FAS: variants seen among roughly 807,000 people sequenced by gnomAD.
FAS encodes Fas cell surface death receptor, also known as tumor necrosis factor receptor superfamily member 6.
A neutral mutation model predicts 33.2 loss-of-function variants in FAS; 5 were observed. The observed-to-expected ratio is 0.15, with a 90% CI of 0.08 to 0.32. FAS has a LOEUF of 0.32. Among genes scored for constraint, FAS ranks in the 10% least tolerant of loss-of-function variants. The probability of loss-of-function intolerance (pLI) is 1.00; values close to 1 mark genes in which losing one functional copy is unlikely to be tolerated. For missense variants in FAS, 339 were observed against 386.0 expected (o/e 0.88, Z 1.02); for synonymous variants, 131 against 130.7 (o/e 1.00, Z -0.01).
upstream of FAS, among the ~76,000 whole-genome samples, chr10:88,986,591 CA>C (rs1472113013): frequency 2.0e-5 from 3 of 152,034 alleles, no homozygotes; most frequent in Non-Finnish European, 2.9e-5. Flanking sequence ...GGCTTTAGGA[CA>C]CTTTTCTTAG....
At chr10:89,010,717 A>G in intron 5 of FAS, 36 bp from the exon 6 acceptor site, 1 of 1,613,212 alleles carries the variant, frequency 6.2e-7, no homozygotes, top group Non-Finnish European at 8.5e-7. Context: ...AAGATTGCTT[A>G]TTTTCATATA....
In FAS at chr10:89,014,279, T is replaced by C. The variant is rs772863534; in HGVS notation, c.837T>C (p.Arg279=). The C allele has an allele frequency of 6.2e-7, 1 of 1,614,020 alleles. No homozygotes were observed. Among genetic ancestry groups the C allele is most frequent in the South Asian group, 1.1e-5 (1 of 91,080 alleles). ...CAGAACAGAAAGTTCAACTGCTTCG[T>C]AATTGGCATCAACTTCATGGAAAGA... ...DTAEQKVQLL[R]NWHQLHGKKE... Residue 279 remains arginine, a synonymous_variant, in exon 9 of 9, where the codon CGT becomes CGC. Coordinates refer to ENST00000652046, the MANE Select transcript of FAS (RefSeq NM_000043.6).
chr10:89,003,261 T>C (rs1236526386), intron 2 of FAS, 67 bp downstream of exon 2: 21 of 1,573,022 alleles, frequency 1.3e-5, no homozygotes, highest in Non-Finnish European at 1.1e-5. Context: ...ATAGTAATCA[T>C]GACTATAATA....
intron 1 of FAS, among the ~76,000 whole-genome samples, chr10:88,994,709 A>G (rs529688489): frequency 6.6e-6 from 1 of 152,130 alleles, no homozygotes; most frequent in African/African-American, 2.4e-5. Flanking sequence ...TTTGCATGTT[A>G]CACAAACCTT....
intron 4 of FAS, 31 bp downstream of exon 4, chr10:89,009,028 C>A: frequency 6.6e-7 from 1 of 1,506,812 alleles, no homozygotes; most frequent in Non-Finnish European, 9.2e-7. Flanking sequence ...GATTAAAACA[C>A]TAGATATAAC....
In FAS at chr10:89,013,394, A is replaced by G. The variant is rs558331238; in HGVS notation, c.676+27A>G. 1.3e-5 allele frequency: 21 copies of G among 1,608,962 alleles called. No individual in the cohort carries two copies. In the African/African-American group the frequency reaches 2.1e-4, roughly 16 times the overall value. ...TAAGGCTTTTATCATTTTATTTCATAGAGATGGCATCCTTTAGAGTAATAG... is the reference window on the plus strand; with the variant it reads ...TAAGGCTTTTATCATTTTATTTCATGGAGATGGCATCCTTTAGAGTAATAG... On this transcript the variant is annotated intron_variant, in intron 8 of 8. Coordinates refer to ENST00000652046, the MANE Select transcript of FAS (RefSeq NM_000043.6).
intron 2 of FAS, chr10:88,973,833 A>G (rs12146231): frequency 0.47 from 71,296 of 152,092 alleles, 17,717 homozygotes; most frequent in Non-Finnish European, 0.55. Context: ...ACAGAGTCTC[A>G]CTCTGTCGCC....
In FAS at chr10:89,010,613, T is replaced by A. The variant is rs1330527163; in HGVS notation, c.505+13T>A. On this transcript the variant is annotated intron_variant, in intron 5 of 8. Coordinates refer to ENST00000652046, the MANE Select transcript of FAS (RefSeq NM_000043.6). ...TGCAAAGAGGAAGGTAATTATTTTT[T>A]TACGGTTATATTCTCCTTTCCCCCA... The A allele has an allele frequency of 6.2e-7, 1 of 1,613,418 alleles. No homozygotes were observed. Among genetic ancestry groups the A allele is most frequent in the Non-Finnish European group, 8.5e-7 (1 of 1,179,454 alleles).
At chr10:88,971,257 T>A (rs2098433225) in intron 1 of FAS, among the ~76,000 whole-genome samples, 6 of 152,254 alleles carry the variant, frequency 3.9e-5, no homozygotes, top group Admixed American at 3.9e-4. Context: ...GTGTGTGAAG[T>A]AACAGATGAT....
chr10:88,966,984 C>T (rs963238866), intron 1 of FAS, among the ~76,000 whole-genome samples: 4 of 152,148 alleles, frequency 2.6e-5, no homozygotes, highest in Admixed American at 1.3e-4. Flanking sequence ...GCTCAAACAG[C>T]GCCAAGAGGG....
chr10:89,010,929 T>C (rs1564695719), intron 6 of FAS, 114 bp downstream of exon 6: 6 of 1,242,590 alleles, frequency 4.8e-6, no homozygotes, highest in South Asian at 4.8e-5. Flanking sequence ...TTATGTATTG[T>C]TAATTTCTTG....
intron 2 of FAS, among the ~76,000 whole-genome samples, chr10:89,004,418 G>A (rs929230765): frequency 5.9e-5 from 9 of 151,600 alleles, no homozygotes; most frequent in Non-Finnish European, 1.2e-4. Context: ...ACAATCTGCA[G>A]GTTAGTTACA....
intron 2 of FAS, among the ~76,000 whole-genome samples, chr10:88,978,414 T>C (rs1203300654): frequency 3.3e-5 from 5 of 152,096 alleles, no homozygotes; most frequent in Admixed American, 3.3e-4. Flanking sequence ...AATAAATAAA[T>C]AAATAAATAA....
intron 1 of FAS, 165 bp from the exon 2 acceptor site, chr10:89,002,864 T>C: frequency 1.4e-6 from 1 of 714,760 alleles, no homozygotes. Context: ...GCTATACAAG[T>C]GACCTGCTGC....
intron 2 of FAS, 105 bp downstream of exon 2, chr10:89,003,299 T>C (rs145321456): frequency 1.6e-6 from 2 of 1,229,214 alleles, no homozygotes; most frequent in African/African-American, 1.5e-5. Context: ...TCCCCTATAT[T>C]ATATAACATA....
Position 89,014,572 on chromosome 10 carries a change from A to C in FAS, c.*122A>C. On this transcript the variant is annotated 3_prime_UTR_variant, in exon 9 of 9. Transcript: ENST00000652046. ...TACATTTTATCATTTATTAGCGCTG[A>C]AGAGCCAACATATTTGTAGATTTTT... 1.1e-6 allele frequency: 1 copy of C among 896,512 alleles called. No homozygotes were observed. Among genetic ancestry groups the C allele is most frequent in the Non-Finnish European group, 1.8e-6 (1 of 564,396 alleles). The allele number at this position is 896,512 out of a possible 1,614,324, so 55.5% of individuals were successfully genotyped here.
At chr10:88,985,338 C>G (rs1039045071), upstream of FAS, among the ~76,000 whole-genome samples, 1 of 152,158 alleles carries the variant, frequency 6.6e-6, no homozygotes, top group Non-Finnish European at 1.5e-5. Flanking sequence ...TGTCTATATG[C>G]TCATATGCAC....
At chr10:89,006,161 G>A (rs1589472166) in intron 2 of FAS, among the ~76,000 whole-genome samples, 1 of 152,340 alleles carries the variant, frequency 6.6e-6, no homozygotes, top group East Asian at 1.9e-4. Context: ...GGCACATTCT[G>A]TAAGATAATT....
chr10:89,004,489 A>T (rs1054880932), intron 2 of FAS, among the ~76,000 whole-genome samples: 8 of 150,286 alleles, frequency 5.3e-5, no homozygotes, highest in Non-Finnish European at 7.4e-5. Context: ...AGCATTAGGT[A>T]TATCTCCCAA....
Sources: allele counts gnomAD v4.1 joint callset (sites outside exome capture counted in the v4.1 genomes callset), GRCh38; gene constraint gnomAD v4.1.1; transcripts MANE v1.5; gene names NCBI Gene and HGNC (gene_info 2026-07-23, HGNC 2026-07-21).